Variants in MAGI3 observed in about 807,000 individuals in gnomAD.
The protein encoded by MAGI3 is membrane-associated guanylate kinase, WW and PDZ domain-containing protein 3.
A neutral mutation model predicts 121.8 loss-of-function variants in MAGI3; 43 were observed. The ratio of observed to expected loss-of-function variants is 0.35; its 90% CI spans 0.28 to 0.46. The LOEUF (loss-of-function observed/expected upper bound fraction) is 0.46. Ranked by LOEUF, MAGI3 falls within the 20% of genes least tolerant of loss-of-function variation. MAGI3 has a pLI of 1.00. For synonymous variants in MAGI3, 553 were observed against 639.3 expected, an observed-to-expected ratio of 0.86 and a Z score of 2.04; for missense variants, 1,547 against 1,797.3, an observed-to-expected ratio of 0.86 and a Z score of 2.52.
intron 1 of MAGI3, among the ~76,000 whole-genome samples, chr1:113,408,607 G>T (rs551181680): frequency 1.0e-3 from 154 of 152,066 alleles, no homozygotes; most frequent in Middle Eastern, 3.4e-3. Flanking sequence ...ATGCTTTCTT[G>T]TAAAATAAAC....
Position 113,642,011 on chromosome 1 carries a change from C to A in MAGI3, c.1461C>A (p.Asn487Lys), listed in dbSNP as rs1348520690. 2 of 1,614,160 alleles carry A rather than the reference C, an allele frequency of 1.2e-6. No homozygotes were observed. Among genetic ancestry groups the A allele is most frequent in the Middle Eastern group, 1.6e-4 (1 of 6,062 alleles). Reference sequence around the variant, plus strand: ...TGGTACCTGTCAATCAGTATGTAAACCTCACTTTATGTCGTGGTTATCCAC... The same window carrying A: ...TGGTACCTGTCAATCAGTATGTAAAACTCACTTTATGTCGTGGTTATCCAC... ...FQLVPVNQYV[N>K]LTLCRGYPLP... is the part of the protein sequence containing the mutation. Residue 487 changes from asparagine (N) to lysine (K), a missense_variant, in exon 10 of 21, where the codon AAC becomes AAA. Transcript: ENST00000307546.
At chr1:113,565,649 A>C (rs370475375) in intron 2 of MAGI3, among the ~76,000 whole-genome samples, 1 of 152,346 alleles carries the variant, frequency 6.6e-6, no homozygotes, top group African/African-American at 2.4e-5. Context: ...TGAAACTGCC[A>C]ATTTAAGGAC....
At chr1:113,647,017 A>G (rs1271650456) in intron 12 of MAGI3, among the ~76,000 whole-genome samples, 1 of 152,238 alleles carries the variant, frequency 6.6e-6, no homozygotes, top group Non-Finnish European at 1.5e-5. Flanking sequence ...GATGAAATGG[A>G]TAAATTGGGA....
chr1:113,593,220 G>A (rs1350163065), intron 5 of MAGI3, among the ~76,000 whole-genome samples: 1 of 152,144 alleles, frequency 6.6e-6, no homozygotes, highest in Non-Finnish European at 1.5e-5. Flanking sequence ...ACACACTCAG[G>A]AAATATAACT....
At chr1:113,559,998 C>A (rs953781485) in intron 2 of MAGI3, among the ~76,000 whole-genome samples, 2 of 152,130 alleles carry the variant, frequency 1.3e-5, no homozygotes, top group African/African-American at 4.8e-5. Context: ...ATATTCAGGA[C>A]CTGAATTCAG....
chr1:113,652,225 T>C (rs1234649118), intron 14 of MAGI3, among the ~76,000 whole-genome samples: 2 of 152,198 alleles, frequency 1.3e-5, no homozygotes, highest in Non-Finnish European at 2.9e-5. Flanking sequence ...CTTTCCACTT[T>C]AAAATTAAAA....
chr1:113,598,878 TC>T (rs1649187226), intron 6 of MAGI3, among the ~76,000 whole-genome samples: 1 of 152,188 alleles, frequency 6.6e-6, no homozygotes, highest in Non-Finnish European at 1.5e-5. Flanking sequence ...TACATTCTTC[TC>T]ATCAGCACAT....
At chr1:113,486,799 G>A (rs992737834) in intron 1 of MAGI3, among the ~76,000 whole-genome samples, 3 of 152,108 alleles carry the variant, frequency 2.0e-5, no homozygotes, top group Non-Finnish European at 4.4e-5. Context: ...CTACAGTCAT[G>A]TGCCACCACG....
intron 1 of MAGI3, chr1:113,450,808 G>T (rs1654449706): frequency 2.7e-6 from 2 of 748,038 alleles, no homozygotes; most frequent in Non-Finnish European, 4.9e-6. Flanking sequence ...AGCTTACTTT[G>T]AGACAGTCCT....
At chr1:113,403,487 G>C (rs1296129722) in intron 1 of MAGI3, among the ~76,000 whole-genome samples, 1 of 152,000 alleles carries the variant, frequency 6.6e-6, no homozygotes, top group Non-Finnish European at 1.5e-5. Flanking sequence ...GTAATTTTAT[G>C]CAACTAAATT....
intron 1 of MAGI3, among the ~76,000 whole-genome samples, chr1:113,548,123 C>G (rs771705041): frequency 1.7e-4 from 26 of 152,154 alleles, no homozygotes; most frequent in Non-Finnish European, 2.9e-4. Context: ...ATTAGCTGAT[C>G]AATAGTATTT....
chr1:113,391,394 G>A lies in MAGI3; in HGVS notation c.316+45G>A. 6.4e-7 allele frequency: 1 copy of A among 1,551,704 alleles called. No homozygotes were observed. The highest frequency in any genetic ancestry group is 8.7e-7 in the Non-Finnish European group (1 of 1,147,556). ...CTGTCTCGGGGTGTTGGGGAGAGGG[G>A]CTTCAGGGTGGGCGTCCTGGGAGCG... On this transcript the variant is annotated intron_variant, in intron 1 of 20. Coordinates refer to ENST00000307546, the MANE Select transcript of MAGI3 (RefSeq NM_001142782.2). This position sits in a 1 kb window ranked among gnomAD's most constrained non-coding sequence, Gnocchi z 4.4.
chr1:113,678,113 G>T (rs374530638), intron 19 of MAGI3, among the ~76,000 whole-genome samples: 2 of 147,422 alleles, frequency 1.4e-5, no homozygotes, highest in Non-Finnish European at 3.0e-5. Flanking sequence ...AGTTTTTGTT[G>T]TTTTTTTTTT....
At chr1:113,597,716 A>G (rs563072824) in intron 6 of MAGI3, among the ~76,000 whole-genome samples, 38 of 152,358 alleles carry the variant, frequency 2.5e-4, no homozygotes, top group African/African-American at 8.9e-4. Context: ...TAACCACCTT[A>G]AACAGAATAA....
At chr1:113,475,333 C>A (rs1276177834) in intron 1 of MAGI3, among the ~76,000 whole-genome samples, 1 of 152,178 alleles carries the variant, frequency 6.6e-6, no homozygotes, top group East Asian at 1.9e-4. Context: ...AAAGGGAACA[C>A]TTCCAGTTTT....
intron 9 of MAGI3, among the ~76,000 whole-genome samples, chr1:113,640,922 ATTT>A (rs1418919967): frequency 1.4e-4 from 9 of 65,952 alleles, no homozygotes; most frequent in African/African-American, 4.6e-4. Flanking sequence ...TATATGATAT[ATTT>A]TATATATCAT....
In MAGI3 at chr1:113,557,334, C is replaced by T. The variant is rs532400640; in HGVS notation, c.433+7703C>T. On this transcript the variant is annotated intron_variant, in intron 2 of 20. Coordinates refer to ENST00000307546, the MANE Select transcript of MAGI3 (RefSeq NM_001142782.2). ...GAGTGCCCCAGGGAGGGGAGGGCTG[C>T]CACCTGGGTTGGATGGATGACTCAA... 2.0e-5 allele frequency among the ~76,000 whole-genome samples: 3 copies of T among 152,304 alleles called. No individual in the cohort carries two copies. In the East Asian group the frequency reaches 5.8e-4, roughly 29 times the overall value.
At position 113,422,005 on chromosome 1, in the gene MAGI3, G is replaced by A. The variant is rs1163417862; in HGVS notation, c.316+30656G>A. On this transcript the variant is annotated intron_variant, in intron 1 of 20. Transcript: ENST00000307546. The surrounding 1 kb of genome is among the most constrained non-coding windows in gnomAD (Gnocchi z 4.3). ...GAATTTCACCTCTTATCATTAGTGTGAACTGACTTTAAAACTTTATGTAAA... is the reference window on the plus strand; with the variant it reads ...GAATTTCACCTCTTATCATTAGTGTAAACTGACTTTAAAACTTTATGTAAA... 6.6e-6 allele frequency among the ~76,000 whole-genome samples: 1 copy of A among 152,078 alleles called. No individual in the cohort carries two copies. The highest frequency in any genetic ancestry group is 6.6e-5 in the Admixed American group (1 of 15,258).
At chr1:113,475,656 G>A (rs973703138) in intron 1 of MAGI3, among the ~76,000 whole-genome samples, 6 of 151,828 alleles carry the variant, frequency 4.0e-5, no homozygotes, top group East Asian at 1.9e-4. Context: ...GAGGATTTTC[G>A]CATCAATACA....
Sources: gnomAD v4.1 joint callset for allele counts (sites outside exome capture counted in the v4.1 genomes callset) on GRCh38, gnomAD v4.1.1 for gene constraint, Gnocchi (gnomAD v3.1) non-coding constraint, MANE v1.5 for transcripts, NCBI Gene and HGNC (gene_info 2026-07-23, HGNC 2026-07-21) for gene names.